DYNC2H1: variants seen among roughly 807,000 people sequenced by gnomAD.
DYNC2H1 encodes dynein cytoplasmic 2 heavy chain 1, also known as cytoplasmic dynein 2 heavy chain 1.
In DYNC2H1, 410 loss-of-function variants were observed where a neutral mutation model predicts 570.0. The observed-to-expected ratio is 0.72, with a 90% CI of 0.66 to 0.78. The LOEUF is 0.78. Among genes scored for constraint, DYNC2H1 ranks in the 30% least tolerant of loss-of-function variants. The pLI is 0.00. For synonymous variants in DYNC2H1, 1,688 were observed against 1,677.6 expected (o/e 1.01, Z -0.15); for missense variants, 4,865 against 5,046.4 (o/e 0.96, Z 1.09).
chr11:103,226,952 C>G (rs1863824922), intron 59 of DYNC2H1, among the ~76,000 whole-genome samples: 1 of 152,112 alleles, frequency 6.6e-6, no homozygotes, highest in Non-Finnish European at 1.5e-5. Flanking sequence ...TCCATCTCCT[C>G]TGGGTTTTCT....
intron 75 of DYNC2H1, among the ~76,000 whole-genome samples, chr11:103,298,175 C>T (rs747789752): frequency 2.0e-5 from 3 of 152,082 alleles, no homozygotes; most frequent in Non-Finnish European, 4.4e-5. Flanking sequence ...CACTCTTGAC[C>T]CTTGCTCAGT....
intron 78 of DYNC2H1, among the ~76,000 whole-genome samples, chr11:103,309,487 T>C (rs1712946657): frequency 6.6e-6 from 1 of 151,608 alleles, no homozygotes; most frequent in African/African-American, 2.4e-5. Context: ...TGAGCCATTG[T>C]GCCTGGTCCT....
In DYNC2H1 at chr11:103,158,997, A is replaced by AT; in HGVS notation, c.4350dup (p.Gln1451SerfsTer12). 1.2e-6 allele frequency: 2 copies of AT among 1,613,292 alleles called. No homozygotes were observed. Among genetic ancestry groups the AT allele is most frequent in the Non-Finnish European group, 1.7e-6 (2 of 1,179,612 alleles). The stretch of plus-strand genomic sequence containing the variant: ...GGGCCAGTCTACCAACCCATCAGTG[A>AT]TTCAGTCTCACCTGAAGAAGCTTTT... On this transcript the variant is annotated frameshift_variant, in exon 28 of 89. Coordinates refer to ENST00000375735, the MANE Select transcript of DYNC2H1 (RefSeq NM_001377.3). LOFTEE classifies it high-confidence loss of function.
At chr11:103,310,869 T>C (rs1305058432) in intron 78 of DYNC2H1, among the ~76,000 whole-genome samples, 2 of 151,584 alleles carry the variant, frequency 1.3e-5, no homozygotes, top group Admixed American at 6.6e-5. Context: ...TTTTTATTTA[T>C]TTTTTGTATT....
chr11:103,254,504 C>T lies in DYNC2H1; in HGVS notation c.10207-911C>T, dbSNP rs1319755869. Among the ~76,000 whole-genome samples, 1 of 152,190 alleles carries T rather than the reference C, an allele frequency of 6.6e-6. No homozygotes were observed. Among genetic ancestry groups the T allele is most frequent in the African/African-American group, 2.4e-5 (1 of 41,460 alleles). On this transcript the variant is annotated intron_variant, in intron 66 of 88. Transcript: ENST00000375735. The surrounding 1 kb of genome is among the most constrained non-coding windows in gnomAD (Gnocchi z 4.9). Reference sequence around the variant, plus strand: ...TACAATGTACATACCATACAACTTGCTGATTTAAAATGTATAATTCAATGG... The same window carrying T: ...TACAATGTACATACCATACAACTTGTTGATTTAAAATGTATAATTCAATGG...
intron 75 of DYNC2H1, among the ~76,000 whole-genome samples, chr11:103,296,123 C>T (rs1276609347): frequency 6.6e-6 from 1 of 152,194 alleles, no homozygotes; most frequent in Non-Finnish European, 1.5e-5. Flanking sequence ...TTCTCACTCT[C>T]TTCAATGCCT....
intron 59 of DYNC2H1, among the ~76,000 whole-genome samples, chr11:103,227,201 G>C (rs4754061): frequency 6.7e-6 from 1 of 150,176 alleles, no homozygotes; most frequent in Admixed American, 6.6e-5. Context: ...TCTAATCTTC[G>C]TTATTTTTTT....
chr11:103,326,688 G>A lies in DYNC2H1; in HGVS notation c.12039+2698G>A, dbSNP rs1938501722. Among the ~76,000 whole-genome samples the A allele has an allele frequency of 6.6e-6, 1 of 152,232 alleles. No homozygotes were observed. Among genetic ancestry groups the A allele is most frequent in the Non-Finnish European group, 1.5e-5 (1 of 68,048 alleles). ...ACTCAGGCAGGGCTGTGGAGGCTGC[G>A]TTGTGCACACGATCCTGCGGGGTGG... On this transcript the variant is annotated intron_variant, in intron 82 of 88. Coordinates refer to ENST00000375735, the MANE Select transcript of DYNC2H1 (RefSeq NM_001377.3). This position sits in a 1 kb window ranked among gnomAD's most constrained non-coding sequence, Gnocchi z 6.1.
intron 25 of DYNC2H1, among the ~76,000 whole-genome samples, chr11:103,155,899 C>G (rs1860795819): frequency 6.6e-6 from 1 of 151,998 alleles, no homozygotes; most frequent in South Asian, 2.1e-4. Flanking sequence ...TTGTTAATAA[C>G]CCTGGAATGT....
chr11:103,298,048 T>G (rs72975614), intron 75 of DYNC2H1, among the ~76,000 whole-genome samples: 8,050 of 152,118 alleles, frequency 0.053, 272 homozygotes, highest in South Asian at 0.099. Flanking sequence ...TTTTGAAATA[T>G]AAATTAGATC....
intron 88 of DYNC2H1, among the ~76,000 whole-genome samples, chr11:103,471,208 C>A (rs1296192307): frequency 6.6e-6 from 1 of 152,164 alleles, no homozygotes; most frequent in Non-Finnish European, 1.5e-5. Flanking sequence ...GGCTTTTACA[C>A]TTGTACATGA....
intron 82 of DYNC2H1, 48 bp from the exon 83 acceptor site, chr11:103,358,195 C>T (rs117059255): frequency 7.3e-5 from 80 of 1,100,800 alleles, no homozygotes; most frequent in Middle Eastern, 6.2e-4. Flanking sequence ...TCTTCCTGTT[C>T]GGCTGAAGTT....
intron 87 of DYNC2H1, among the ~76,000 whole-genome samples, chr11:103,457,792 T>C (rs1565616219): frequency 6.6e-6 from 1 of 152,218 alleles, no homozygotes; most frequent in African/African-American, 2.4e-5. Context: ...AGTTCTTTAA[T>C]GCAGTTAACT....
intron 84 of DYNC2H1, among the ~76,000 whole-genome samples, chr11:103,410,468 G>A (rs1269160290): frequency 6.6e-6 from 1 of 152,120 alleles, no homozygotes; most frequent in Non-Finnish European, 1.5e-5. Context: ...GGGGGCAAGA[G>A]GTGGTGAGGT....
At chr11:103,222,236 C>A in intron 58 of DYNC2H1, 83 bp downstream of exon 58, 3 of 979,694 alleles carry the variant, frequency 3.1e-6, no homozygotes, top group African/African-American at 1.7e-5. Context: ...TTGTCATTGC[C>A]AACTGTTTAG....
chr11:103,441,727 T>C (rs978446554), intron 85 of DYNC2H1, among the ~76,000 whole-genome samples: 1 of 152,190 alleles, frequency 6.6e-6, no homozygotes, highest in African/African-American at 2.4e-5. Flanking sequence ...TTGGCTTCTA[T>C]CTAAATCTAC....
chr11:103,379,521 A>G (rs981989396), intron 83 of DYNC2H1, among the ~76,000 whole-genome samples: 1 of 152,168 alleles, frequency 6.6e-6, no homozygotes, highest in African/African-American at 2.4e-5. Context: ...CATTACCATG[A>G]CTGAGGCTTC....
chr11:103,180,079 G>C (rs1414778807), intron 39 of DYNC2H1, among the ~76,000 whole-genome samples: 2 of 151,376 alleles, frequency 1.3e-5, no homozygotes, highest in African/African-American at 4.8e-5. Context: ...CTTTAAATTA[G>C]CCAGAAGCTT....
At chr11:103,274,008 A>G (rs1865809406) in intron 70 of DYNC2H1, among the ~76,000 whole-genome samples, 1 of 152,286 alleles carries the variant, frequency 6.6e-6, no homozygotes, top group Admixed American at 6.5e-5. Context: ...TCTGAGGACC[A>G]TAGACTGACA....
Sources: gnomAD v4.1 joint callset for allele counts (sites outside exome capture counted in the v4.1 genomes callset) on GRCh38, gnomAD v4.1.1 for gene constraint, Gnocchi (gnomAD v3.1) non-coding constraint, MANE v1.5 for transcripts, NCBI Gene and HGNC (gene_info 2026-07-23, HGNC 2026-07-21) for gene names.